The following GIMD1 variants were observed in gnomAD, a reference collection of about 807,000 sequenced individuals.
GIMD1 encodes GIMAP family P-loop NTPase domain containing 1, also known as GTPase IMAP family member GIMD1.
In GIMD1, 14 loss-of-function variants were observed where a neutral mutation model predicts 14.9. That is an observed-to-expected ratio of 0.94 (90% CI 0.62 to 1.47). The LOEUF (loss-of-function observed/expected upper bound fraction) is 1.47. Among genes scored for constraint, GIMD1 ranks in the 40% most tolerant of loss-of-function variants. The pLI, the probability that GIMD1 is intolerant of heterozygous loss-of-function variation, is 0.00. For synonymous variants in GIMD1, 91 were observed against 90.5 expected (o/e 1.01, Z -0.03); for missense variants, 272 against 255.3 (o/e 1.07, Z -0.44).
chr4:106,366,780 A>C (rs1184727508), intron 2 of GIMD1, among the ~76,000 whole-genome samples: 1 of 151,860 alleles, frequency 6.6e-6, no homozygotes, highest in Non-Finnish European at 1.5e-5. Context: ...TTAATATCTC[A>C]ATTTTTTTTT....
At chr4:106,362,769 A>C (rs1357787638) in intron 2 of GIMD1, among the ~76,000 whole-genome samples, 1 of 152,120 alleles carries the variant, frequency 6.6e-6, no homozygotes, top group Non-Finnish European at 1.5e-5. Context: ...TCTCACCCCA[A>C]TTAAAACATT....
intron 2 of GIMD1, among the ~76,000 whole-genome samples, chr4:106,366,043 G>A (rs933943620): frequency 6.6e-6 from 1 of 152,006 alleles, no homozygotes; most frequent in Non-Finnish European, 1.5e-5. Flanking sequence ...GTTGAAGACT[G>A]TGAATAAGCC....
Position 106,367,137 on chromosome 4 carries a change from A to C in GIMD1, c.299T>G (p.Phe100Cys), listed in dbSNP as rs763393968. 7.2e-6 allele frequency: 11 copies of C among 1,535,454 alleles called. No individual in the cohort carries two copies. The highest frequency in any genetic ancestry group is 4.1e-5 in the African/African-American group (3 of 72,922). The change falls in exon 2 of 3, where the codon TTC becomes TGC. Residue 100 changes from phenylalanine (F) to cysteine (C), a missense_variant. Coordinates refer to ENST00000638719, the MANE Select transcript of GIMD1 (RefSeq NM_001195138.2). ...TGCAAGGTGGAGACCCCCTTGCCCG[A>C]AGTGATGTGCCAGAGCCTCTTTGAC... Reference protein sequence around the residue: ...QEVKEALAHHFGQGGLHLALL... With the variant: ...QEVKEALAHHCGQGGLHLALL...
At position 106,358,056 on chromosome 4, in the gene GIMD1, T is replaced by C. The variant is rs1309103000; in HGVS notation, c.*127A>G. The stretch of plus-strand genomic sequence containing the variant: ...AACTTCTAGTTTTCCAAAGTGGTTA[T>C]ACCAATGTACACTCTCACCAGCAGC... On this transcript the variant is annotated 3_prime_UTR_variant, in exon 3 of 3. Coordinates refer to ENST00000638719, the MANE Select transcript of GIMD1 (RefSeq NM_001195138.2). The C allele has an allele frequency of 1.6e-6, 1 of 622,912 alleles. No individual in the cohort carries two copies. Among genetic ancestry groups the C allele is most frequent in the African/African-American group, 1.9e-5 (1 of 53,830 alleles). 38.6% of individuals were successfully genotyped at this position (622,912 alleles called of 1,614,324 possible).
At chr4:106,364,195 T>C (rs995944499) in intron 2 of GIMD1, among the ~76,000 whole-genome samples, 1 of 152,046 alleles carries the variant, frequency 6.6e-6, no homozygotes, top group Non-Finnish European at 1.5e-5. Context: ...AGAATATAAC[T>C]CCTCTGCAAA....
At chr4:106,362,601 G>A (rs1770630301) in intron 2 of GIMD1, among the ~76,000 whole-genome samples, 1 of 151,974 alleles carries the variant, frequency 6.6e-6, no homozygotes, top group African/African-American at 2.4e-5. Context: ...CACCAGCCCT[G>A]CCCCATTTGT....
Position 106,358,457 on chromosome 4 carries a change from G to C in GIMD1, c.394-14C>G. On this transcript the variant is annotated splice_polypyrimidine_tract_variant and intron_variant, in intron 2 of 2. Transcript: ENST00000638719. ...TCCAAGAAGTTCCTGAAAGAGAGAA[G>C]TTAGATAACTATTGAACTTGAACTA... 1 of 1,497,748 alleles carries C rather than the reference G, an allele frequency of 6.7e-7. No homozygotes were observed. Among genetic ancestry groups the C allele is most frequent in the Non-Finnish European group, 8.8e-7 (1 of 1,132,986 alleles). The allele number at this position is 1,497,748 out of a possible 1,614,324, so 92.8% of individuals were successfully genotyped here.
chr4:106,359,203 T>C (rs992409560), intron 2 of GIMD1, among the ~76,000 whole-genome samples: 4 of 151,962 alleles, frequency 2.6e-5, no homozygotes, highest in Admixed American at 2.6e-4. Context: ...GTTCATGTAA[T>C]ATAAAAGGCA....
chr4:106,359,150 A>G (rs1490610199), intron 2 of GIMD1, among the ~76,000 whole-genome samples: 1 of 151,966 alleles, frequency 6.6e-6, no homozygotes, highest in African/African-American at 2.4e-5. Flanking sequence ...TGATTAGTGA[A>G]TATAAGCTGA....
chr4:106,368,647 A>G, intron 1 of GIMD1, 63 bp downstream of exon 1: 1 of 397,630 alleles, frequency 2.5e-6, no homozygotes. Context: ...CTCCTAAATC[A>G]GGGTGTAATG....
chr4:106,361,711 C>G (rs139685436), intron 2 of GIMD1, among the ~76,000 whole-genome samples: 23 of 152,160 alleles, frequency 1.5e-4, no homozygotes, highest in African/African-American at 5.1e-4. Context: ...CCTAAACTTA[C>G]CCTTAGATAT....
chr4:106,368,420 A>C (rs1334029321), intron 1 of GIMD1, among the ~76,000 whole-genome samples: 1 of 152,194 alleles, frequency 6.6e-6, no homozygotes, highest in Admixed American at 6.5e-5. Flanking sequence ...TTTTGCCTAG[A>C]TCTTGTAACT....
intron 2 of GIMD1, 110 bp downstream of exon 2, chr4:106,366,933 T>C: frequency 9.0e-6 from 3 of 334,366 alleles, no homozygotes; most frequent in Non-Finnish European, 1.4e-5. Flanking sequence ...TATATTATTA[T>C]ATACTAATAG....
At chr4:106,363,879 A>G (rs1274264576) in intron 2 of GIMD1, among the ~76,000 whole-genome samples, 2 of 78,556 alleles carry the variant, frequency 2.5e-5, no homozygotes, top group East Asian at 9.0e-4. Flanking sequence ...ACAGAATACC[A>G]TAATGGGGGG....
At chr4:106,359,349 C>T (rs555052515) in intron 2 of GIMD1, among the ~76,000 whole-genome samples, 1 of 151,816 alleles carries the variant, frequency 6.6e-6, no homozygotes, top group South Asian at 2.1e-4. Context: ...TAGTTTATGG[C>T]AAGAAAAATA....
intron 2 of GIMD1, among the ~76,000 whole-genome samples, chr4:106,365,686 C>T (rs766059788): frequency 6.6e-6 from 1 of 151,966 alleles, no homozygotes; most frequent in Non-Finnish European, 1.5e-5. Flanking sequence ...CATTGAGGCT[C>T]TTGAGTAATA....
In GIMD1 at chr4:106,367,087, G is replaced by C. The variant is rs970913950; in HGVS notation, c.349C>G (p.Pro117Ala). ...TCAGTTACTTCCTGCCCACAGAAAGGCACATCTGCTCTCTGAACCAGGAGT... is the reference window on the plus strand; with the variant it reads ...TCAGTTACTTCCTGCCCACAGAAAGCCACATCTGCTCTCTGAACCAGGAGT... ...LALLVQRADV[P>A]FCGQEVTDPV... The change falls in exon 2 of 3, where the codon CCT becomes GCT. Residue 117 changes from proline to alanine, a missense_variant. Physicochemically the swap from Pro to Ala is conservative, Grantham distance 27. Coordinates refer to ENST00000638719, the MANE Select transcript of GIMD1 (RefSeq NM_001195138.2). 2 of 1,534,538 alleles carry C rather than the reference G, an allele frequency of 1.3e-6. No homozygotes were observed. Among genetic ancestry groups the C allele is most frequent in the Non-Finnish European group, 1.7e-6 (2 of 1,146,068 alleles).
chr4:106,363,938 G>A (rs1004988682), intron 2 of GIMD1, among the ~76,000 whole-genome samples: 3 of 149,528 alleles, frequency 2.0e-5, no homozygotes, highest in Admixed American at 6.7e-5. Context: ...AATTCCTACT[G>A]CAGCTTGGCT....
At chr4:106,359,939 TACA>T (rs948447372) in intron 2 of GIMD1, among the ~76,000 whole-genome samples, 2 of 152,026 alleles carry the variant, frequency 1.3e-5, no homozygotes, top group Non-Finnish European at 2.9e-5. Context: ...CATCAATTTC[TACA>T]ACTTCATAGT....
Sources: gnomAD v4.1 joint callset for allele counts (sites outside exome capture counted in the v4.1 genomes callset) on GRCh38, gnomAD v4.1.1 for gene constraint, MANE v1.5 for transcripts, NCBI Gene and HGNC (gene_info 2026-07-23, HGNC 2026-07-21) for gene names.